Variants in EPS15L1 observed in about 807,000 individuals in gnomAD.
EPS15L1 encodes epidermal growth factor receptor pathway substrate 15 like 1, also known as epidermal growth factor receptor substrate 15-like 1.
In EPS15L1, 43 loss-of-function variants were observed where a neutral mutation model predicts 117.1. The observed-to-expected ratio is 0.37, with a 90% CI of 0.29 to 0.47. The LOEUF is 0.47. Ranked by LOEUF, EPS15L1 falls within the 20% of genes least tolerant of loss-of-function variation. The probability of loss-of-function intolerance (pLI) is 0.99; values close to 1 mark genes in which losing one functional copy is unlikely to be tolerated. For missense variants in EPS15L1, 981 were observed against 1,164.0 expected (o/e 0.84, Z 2.29); for synonymous variants, 459 against 470.5 (o/e 0.98, Z 0.32).
At chr19:16,453,730 A>C (rs1599676195) in intron 1 of EPS15L1, among the ~76,000 whole-genome samples, 1 of 152,100 alleles carries the variant, frequency 6.6e-6, no homozygotes, top group East Asian at 1.9e-4. Context: ...AGAAAAAAAA[A>C]ATGACTTATC....
intron 19 of EPS15L1, among the ~76,000 whole-genome samples, chr19:16,388,268 G>A (rs2092441436): frequency 6.6e-6 from 1 of 152,076 alleles, no homozygotes; most frequent in Non-Finnish European, 1.5e-5. Context: ...TCGAACTCCT[G>A]GCCTCAAGTG....
chr19:16,413,966 T>G, intron 12 of EPS15L1, 121 bp from the exon 13 acceptor site: 1 of 726,464 alleles, frequency 1.4e-6, no homozygotes. Flanking sequence ...AGTCTAAGAA[T>G]GAGACCCAGC....
At chr19:16,379,920 CAGA>C (rs1401666154) in intron 21 of EPS15L1, among the ~76,000 whole-genome samples, 8 of 152,178 alleles carry the variant, frequency 5.3e-5, no homozygotes, top group Non-Finnish European at 1.2e-4. Flanking sequence ...CCTAGTCACA[CAGA>C]CACGGCCATC....
intron 4 of EPS15L1, among the ~76,000 whole-genome samples, chr19:16,439,465 G>A (rs982428968): frequency 1.3e-5 from 2 of 152,156 alleles, no homozygotes; most frequent in African/African-American, 2.4e-5. Flanking sequence ...GCCAAGATGG[G>A]AGGATTGCTT....
intron 21 of EPS15L1, among the ~76,000 whole-genome samples, chr19:16,380,626 C>T (rs1269287978): frequency 1.3e-5 from 2 of 152,132 alleles, no homozygotes; most frequent in Non-Finnish European, 2.9e-5. Context: ...CTGACACAGT[C>T]ACACTGACAC....
At chr19:16,377,813 G>A (rs2092314513) in intron 21 of EPS15L1, among the ~76,000 whole-genome samples, 1 of 152,168 alleles carries the variant, frequency 6.6e-6, no homozygotes, top group South Asian at 2.1e-4. Flanking sequence ...AGGTGGAAGT[G>A]CATCCTCACA....
At chr19:16,395,211 A>AGG (rs1179888806) in intron 17 of EPS15L1, 133 bp downstream of exon 17, 1 of 948,986 alleles carries the variant, frequency 1.1e-6, no homozygotes. Flanking sequence ...CAAAAAAAAA[A>AGG]AAAAAAAAGG....
In EPS15L1 at chr19:16,425,193, C is replaced by A; in HGVS notation, c.682G>T (p.Ala228Ser). ...AGGCTGTCTTTTGGTGGGGGGCTGGCAGGCAGGACGGGGACGGCGCCAGGG... is the reference window on the plus strand; with the variant it reads ...AGGCTGTCTTTTGGTGGGGGGCTGGAAGGCAGGACGGGGACGGCGCCAGGG... The part of the protein sequence containing the change: ...VFPGAVPVLP[A>S]SPPPKDSLRS... Residue 228 changes from alanine (A) to serine (S), a missense_variant, in exon 9 of 24, where the codon GCC becomes TCC. Coordinates refer to ENST00000455140, the MANE Select transcript of EPS15L1 (RefSeq NM_001258374.3). 1 of 1,611,672 alleles carries A rather than the reference C, an allele frequency of 6.2e-7. No individual in the cohort carries two copies. The highest frequency in any genetic ancestry group is 1.7e-5 in the Admixed American group (1 of 59,816).
chr19:16,388,348 T>G (rs1181427765), intron 19 of EPS15L1, among the ~76,000 whole-genome samples: 1 of 152,118 alleles, frequency 6.6e-6, no homozygotes. Context: ...AATGAAAACT[T>G]ATCAAATTTG....
chr19:16,411,224 A>T (rs777188059), intron 13 of EPS15L1, among the ~76,000 whole-genome samples: 1 of 152,214 alleles, frequency 6.6e-6, no homozygotes, highest in Non-Finnish European at 1.5e-5. Flanking sequence ...AGATGAAGGA[A>T]ATGTGCCCCA....
chr19:16,459,624 G>C (rs1180858547), intron 1 of EPS15L1, among the ~76,000 whole-genome samples: 1 of 152,160 alleles, frequency 6.6e-6, no homozygotes, highest in Non-Finnish European at 1.5e-5. Flanking sequence ...AATGAGAATA[G>C]ACAGCACCTG....
At chr19:16,426,848 G>A (rs193192722) in intron 8 of EPS15L1, among the ~76,000 whole-genome samples, 173 of 152,228 alleles carry the variant, frequency 1.1e-3, no homozygotes, top group Non-Finnish European at 2.0e-3. Flanking sequence ...TAATAGACAC[G>A]CTCATACAGA....
chr19:16,377,212 C>G lies in EPS15L1; in HGVS notation c.2290G>C (p.Gly764Arg), dbSNP rs1174338440. Residue 764 changes from glycine to arginine, a missense_variant, in exon 22 of 24, where the codon GGA becomes CGA. Around this residue, in one of 5 missense-constraint regions of EPS15L1, gnomAD observed 819 missense variants for 949.0 expected, o/e 0.86. Coordinates refer to ENST00000455140, the MANE Select transcript of EPS15L1 (RefSeq NM_001258374.3). ...CTTTTAAAGGGGTCATCTGAGAATC[C>G]TGCCCCTCCCAAGGAGGAGGTGAAA... ...GPFTSSLGGA[G>R]FSDDPFKSKQ... is the part of the protein sequence containing the mutation. 2 of 1,612,736 alleles carry G rather than the reference C, an allele frequency of 1.2e-6. No homozygotes were observed. The highest frequency in any genetic ancestry group is 1.7e-6 in the Non-Finnish European group (2 of 1,179,400).
chr19:16,409,937 C>CA lies in EPS15L1; in HGVS notation c.1266+3835dup, dbSNP rs140859526. On this transcript the variant is annotated intron_variant, in intron 13 of 23. Transcript: ENST00000455140. ...TGGGCCACAGAGTGAGACTCTGTCTCAAAAAAAAAAAAAAAAAAAAAAAAA... is the reference window on the plus strand; with the variant it reads ...TGGGCCACAGAGTGAGACTCTGTCTCAAAAAAAAAAAAAAAAAAAAAAAAAA... Among the ~76,000 whole-genome samples, 219 of 45,002 alleles carry CA rather than the reference C, an allele frequency of 4.9e-3. 7 individuals carry two copies. The highest frequency in any genetic ancestry group is 0.016 in the South Asian group (18 of 1,092). The allele number at this position is 45,002 out of a possible 152,430, so 29.5% of individuals were successfully genotyped here.
chr19:16,382,365 A>C (rs1016585644), intron 21 of EPS15L1, among the ~76,000 whole-genome samples: 4 of 152,230 alleles, frequency 2.6e-5, no homozygotes, highest in Admixed American at 6.5e-5. Context: ...CTCTATTTTT[A>C]GAAAGGTTTC....
At chr19:16,430,141 C>T (rs2092913549) in intron 7 of EPS15L1, among the ~76,000 whole-genome samples, 2 of 152,222 alleles carry the variant, frequency 1.3e-5, no homozygotes, top group African/African-American at 4.8e-5. Flanking sequence ...CCAGAGTCCC[C>T]CTCACCCTGG....
At chr19:16,455,249 T>C (rs906476620) in intron 1 of EPS15L1, among the ~76,000 whole-genome samples, 4 of 152,154 alleles carry the variant, frequency 2.6e-5, no homozygotes, top group African/African-American at 7.2e-5. Flanking sequence ...TCCTGAGTAA[T>C]TGGGACCATA....
intron 1 of EPS15L1, among the ~76,000 whole-genome samples, chr19:16,447,464 T>C (rs946416912): frequency 1.3e-5 from 2 of 152,066 alleles, no homozygotes; most frequent in Non-Finnish European, 2.9e-5. Flanking sequence ...TCACTAGTAA[T>C]TTAAGTATTA....
intron 9 of EPS15L1, 111 bp from the exon 10 acceptor site, chr19:16,421,587 A>G: frequency 8.9e-7 from 1 of 1,117,478 alleles, no homozygotes; most frequent in Non-Finnish European, 1.3e-6. Context: ...TTGGCATCAA[A>G]CTCTCCTCAC....
Sources: gnomAD v4.1 joint callset for allele counts (sites outside exome capture counted in the v4.1 genomes callset) on GRCh38, gnomAD v4.1.1 for gene constraint, gnomAD v4.1.1 regional missense constraint, MANE v1.5 for transcripts, NCBI Gene and HGNC (gene_info 2026-07-23, HGNC 2026-07-21) for gene names.